VPS13B: variants seen among roughly 807,000 people sequenced by gnomAD.
VPS13B encodes vacuolar protein sorting 13 homolog B, also known as intermembrane lipid transfer protein VPS13B.
A neutral mutation model predicts 426.4 loss-of-function variants in VPS13B; 285 were observed. That is an observed-to-expected ratio of 0.67 (90% CI 0.61 to 0.74). The LOEUF (loss-of-function observed/expected upper bound fraction) is 0.74. Ranked by LOEUF, VPS13B falls within the 30% of genes least tolerant of loss-of-function variation. The pLI, the probability that VPS13B is intolerant of heterozygous loss-of-function variation, is 0.00. For synonymous variants in VPS13B, 1,676 were observed against 1,676.4 expected (o/e 1.00, Z 0.01); for missense variants, 4,537 against 4,782.6 (o/e 0.95, Z 1.51).
chr8:99,043,317 T>G (rs1587953706), intron 3 of VPS13B, among the ~76,000 whole-genome samples: 1 of 152,170 alleles, frequency 6.6e-6, no homozygotes, highest in East Asian at 1.9e-4. Flanking sequence ...TTATTATGAA[T>G]TAGTACAGTT....
chr8:99,174,632 G>C lies in VPS13B; in HGVS notation c.2333+4469G>C, dbSNP rs557743239. Among the ~76,000 whole-genome samples, 4 of 152,108 alleles carry C rather than the reference G, an allele frequency of 2.6e-5. No homozygotes were observed. In the East Asian group the frequency reaches 5.8e-4, roughly 22 times the overall value. On this transcript the variant is annotated intron_variant, in intron 16 of 61. Coordinates refer to ENST00000357162, the MANE Select transcript of VPS13B (RefSeq NM_152564.5). The stretch of plus-strand genomic sequence containing the variant: ...TTTAATTAGTTTTTTTCCTTGAGTT[G>C]TAGAAGTTCTTTATGTGTTGTGTAA...
At chr8:99,437,157 G>A (rs1474809863) in intron 22 of VPS13B, among the ~76,000 whole-genome samples, 1 of 152,144 alleles carries the variant, frequency 6.6e-6, no homozygotes, top group Non-Finnish European at 1.5e-5. Flanking sequence ...TATTCTTTTA[G>A]TGGAAGTTTG....
At chr8:99,055,552 T>C (rs1843804348) in intron 3 of VPS13B, among the ~76,000 whole-genome samples, 1 of 152,192 alleles carries the variant, frequency 6.6e-6, no homozygotes, top group African/African-American at 2.4e-5. Flanking sequence ...TAAGTAATCT[T>C]TAATTGTGTC....
In VPS13B at chr8:99,520,938, T is replaced by A. The variant is rs138417551; in HGVS notation, c.4673T>A (p.Ile1558Asn). The change falls in exon 30 of 62, where the codon ATT becomes AAT. Residue 1558 changes from isoleucine to asparagine, a missense_variant. This residue lies in a region of VPS13B where 4,311 missense variants were observed against 4,474.3 expected (regional missense o/e 0.96). Transcript: ENST00000357162. ...AAKEDTVVLK[I>N]GSVAMAPQAD... ...AAAGAAGACACTGTGGTTTTGAAGA[T>A]TGGCTCTGTTGCCATGGCTCCCCAG... The A allele has an allele frequency of 1.9e-6, 3 of 1,613,748 alleles. No homozygotes were observed. The highest frequency in any genetic ancestry group is 2.5e-6 in the Non-Finnish European group (3 of 1,179,780).
intron 33 of VPS13B, among the ~76,000 whole-genome samples, chr8:99,595,398 T>TCA (rs1222384272): frequency 6.6e-6 from 1 of 151,874 alleles, no homozygotes; most frequent in Non-Finnish European, 1.5e-5. Context: ...TTTCAAGGAA[T>TCA]AATGCTAGGA....
intron 30 of VPS13B, among the ~76,000 whole-genome samples, chr8:99,541,519 C>G (rs550887109): frequency 6.6e-6 from 1 of 152,242 alleles, no homozygotes; most frequent in Non-Finnish European, 1.5e-5. Context: ...CCCGGACAGG[C>G]CCCGGTGTGT....
At chr8:99,047,461 A>G (rs765610900) in intron 3 of VPS13B, among the ~76,000 whole-genome samples, 16 of 151,914 alleles carry the variant, frequency 1.1e-4, no homozygotes, top group Non-Finnish European at 2.4e-4. Flanking sequence ...TGTTTTACCT[A>G]CCTTTTTAAA....
At chr8:99,181,167 A>G (rs1164104910) in intron 16 of VPS13B, among the ~76,000 whole-genome samples, 2 of 152,228 alleles carry the variant, frequency 1.3e-5, no homozygotes, top group Non-Finnish European at 2.9e-5. Context: ...AAATTATGTT[A>G]CACTCATACC....
chr8:99,175,867 A>G (rs1178431920), intron 16 of VPS13B, among the ~76,000 whole-genome samples: 1 of 152,208 alleles, frequency 6.6e-6, no homozygotes, highest in Non-Finnish European at 1.5e-5. Context: ...AAACATAAAG[A>G]TGCAGTATTA....
At chr8:99,427,291 G>T (rs555102977) in intron 21 of VPS13B, among the ~76,000 whole-genome samples, 1 of 113,182 alleles carries the variant, frequency 8.8e-6, no homozygotes, top group African/African-American at 3.5e-5. Context: ...TTTGGTACCA[G>T]TACCATGCTG....
At chr8:99,446,513 C>T (rs778222823) in intron 23 of VPS13B, among the ~76,000 whole-genome samples, 4 of 151,988 alleles carry the variant, frequency 2.6e-5, no homozygotes, top group Admixed American at 2.0e-4. Context: ...TACTTTTTTT[C>T]TTTCCATACA....
intron 16 of VPS13B, among the ~76,000 whole-genome samples, chr8:99,178,348 C>T (rs576458811): frequency 9.6e-5 from 14 of 145,142 alleles, no homozygotes; most frequent in African/African-American, 3.3e-4. Flanking sequence ...TGGCGGTTCC[C>T]ATATTCAAAA....
In VPS13B at chr8:99,233,987, G is replaced by A. The variant is rs911475102; in HGVS notation, c.2516-40211G>A. ...GTCTACCCGGGACTGGGTCTGCTCA[G>A]TGATGTTCACTATGGTCAAGCCCTC... On this transcript the variant is annotated intron_variant, in intron 17 of 61. Transcript: ENST00000357162. The A allele has an allele frequency of 2.8e-4, 216 of 777,844 alleles. 1 individual carries two copies. Among genetic ancestry groups the A allele is most frequent in the Admixed American group, 8.6e-5 (5 of 58,032 alleles). 48.2% of individuals were successfully genotyped at this position (777,844 alleles called of 1,614,324 possible).
chr8:99,300,229 A>G (rs545226045), intron 19 of VPS13B, among the ~76,000 whole-genome samples: 1 of 151,678 alleles, frequency 6.6e-6, no homozygotes, highest in East Asian at 1.9e-4. Context: ...GAAGCCATCT[A>G]TTGTCTGCAA....
intron 3 of VPS13B, among the ~76,000 whole-genome samples, chr8:99,051,462 A>C (rs1381062261): frequency 5.9e-5 from 9 of 151,500 alleles, no homozygotes; most frequent in Non-Finnish European, 8.8e-5. Context: ...GTCAGGTAGC[A>C]TGATGCCTCC....
At chr8:99,202,025 T>G (rs1221778885) in intron 17 of VPS13B, among the ~76,000 whole-genome samples, 1 of 152,254 alleles carries the variant, frequency 6.6e-6, no homozygotes, top group East Asian at 1.9e-4. Flanking sequence ...CTGTTGTTCT[T>G]GTCCTAGACA....
chr8:99,096,948 T>TAAGA (rs1846460773), intron 4 of VPS13B, among the ~76,000 whole-genome samples: 1 of 152,164 alleles, frequency 6.6e-6, no homozygotes, highest in Admixed American at 6.5e-5. Context: ...CTGGTATCTT[T>TAAGA]TAGGCCAGAC....
At chr8:99,103,369 G>C (rs1232594825) in intron 5 of VPS13B, among the ~76,000 whole-genome samples, 1 of 152,030 alleles carries the variant, frequency 6.6e-6, no homozygotes, top group South Asian at 2.1e-4. Flanking sequence ...TGGCTCTGTT[G>C]CCCAGGCTGG....
rs144988064 is a variant in VPS13B at position 99,583,632 on chromosome 8, C to A, written c.5220+5999C>A. On this transcript the variant is annotated intron_variant, in intron 33 of 61. Transcript: ENST00000357162. ...AAAGTGAAAAATTCTCCAAGACATT[C>A]TTGACCAAACTAAGGATTGTCAGAA... 3.4e-4 allele frequency among the ~76,000 whole-genome samples: 52 copies of A among 152,164 alleles called. 2 individuals are homozygous for A. In the East Asian group the frequency reaches 0.01, roughly 29 times the overall value.
Sources: gnomAD v4.1 joint callset for allele counts (sites outside exome capture counted in the v4.1 genomes callset) on GRCh38, gnomAD v4.1.1 for gene constraint, gnomAD v4.1.1 regional missense constraint, MANE v1.5 for transcripts, NCBI Gene and HGNC (gene_info 2026-07-23, HGNC 2026-07-21) for gene names.